EYS: variants seen among roughly 807,000 people sequenced by gnomAD.
EYS encodes protein eyes shut homolog.
EYS carries 250 observed loss-of-function variants against 282.1 expected under a neutral mutation model. The observed-to-expected ratio is 0.89, with a 90% confidence interval of 0.80 to 0.98. EYS has a LOEUF of 0.98. Among genes scored for constraint, EYS ranks in the 50% least tolerant of loss-of-function variants. EYS has a pLI of 0.00. For missense variants in EYS, 4,016 were observed against 3,709.0 expected (o/e 1.08, Z -2.15); for synonymous variants, 1,355 against 1,282.9 (o/e 1.06, Z -1.20).
chr6:64,670,017 C>T, intron 22 of EYS, among the ~76,000 whole-genome samples: 1 of 152,140 alleles, frequency 6.6e-6, no homozygotes, highest in East Asian at 1.9e-4. Context: ...CTCTTATAAG[C>T]TTTACAACCT....
chr6:63,979,087 A>G (rs1766974838), intron 35 of EYS, among the ~76,000 whole-genome samples: 1 of 151,984 alleles, frequency 6.6e-6, no homozygotes, highest in African/African-American at 2.4e-5. Context: ...CAATTAGTTG[A>G]ATAACACTAA....
chr6:63,778,314 A>G, intron 39 of EYS, 134 bp from the exon 40 acceptor site: 1 of 956,630 alleles, frequency 1.0e-6, no homozygotes, highest in Non-Finnish European at 1.6e-6. Flanking sequence ...AAGAAATATA[A>G]GAATACAGAA....
chr6:64,192,440 G>C (rs1212548756), intron 31 of EYS, among the ~76,000 whole-genome samples: 1 of 152,108 alleles, frequency 6.6e-6, no homozygotes, highest in African/African-American at 2.4e-5. Context: ...ATACTACAAG[G>C]CTACAGTAAC....
rs139276115 is a variant in EYS, at chr6:64,894,301, T to C, written c.2847-7459A>G. Among the ~76,000 whole-genome samples the C allele has an allele frequency of 1.2e-4, 19 of 152,196 alleles. No homozygotes were observed. In the East Asian group the frequency reaches 3.7e-3, roughly 29 times the overall value. ...TTCGTGATGTTAATTACAATAGATC[T>C]AAGAATGCATAGACTATTGGATATG... On this transcript the variant is annotated intron_variant, in intron 18 of 42. Transcript: ENST00000503581.
At chr6:65,207,649 A>G (rs1008263758) in intron 12 of EYS, among the ~76,000 whole-genome samples, 6 of 151,860 alleles carry the variant, frequency 4.0e-5, no homozygotes, top group African/African-American at 1.2e-4. Context: ...TATACGAACC[A>G]AAAGATCAAG....
chr6:64,313,403 T>A (rs1769808377), intron 29 of EYS, among the ~76,000 whole-genome samples: 1 of 152,016 alleles, frequency 6.6e-6, no homozygotes, highest in African/African-American at 2.4e-5. Flanking sequence ...AAATCTAGGT[T>A]TGATTGTTGT....
chr6:63,776,797 A>G (rs1424105581), intron 40 of EYS, among the ~76,000 whole-genome samples: 3 of 152,112 alleles, frequency 2.0e-5, no homozygotes, highest in Non-Finnish European at 4.4e-5. Context: ...TCAACTTCAT[A>G]TGCTTTCCTA....
chr6:64,430,248 A>G (rs1361345647), intron 28 of EYS, among the ~76,000 whole-genome samples: 1 of 152,118 alleles, frequency 6.6e-6, no homozygotes, highest in Non-Finnish European at 1.5e-5. Context: ...TGAATGCACA[A>G]TTTGCTGCAT....
intron 12 of EYS, among the ~76,000 whole-genome samples, chr6:65,261,125 G>A (rs1379342297): frequency 6.6e-6 from 1 of 152,000 alleles, no homozygotes; most frequent in Non-Finnish European, 1.5e-5. Flanking sequence ...TTTAAGAGCA[G>A]AGAATGTTAT....
chr6:65,015,099 A>G (rs1443106800), intron 13 of EYS, among the ~76,000 whole-genome samples: 1 of 152,120 alleles, frequency 6.6e-6, no homozygotes, highest in Non-Finnish European at 1.5e-5. Context: ...AAGCAACACA[A>G]CCCTGCAATA....
At chr6:64,721,800 G>C (rs1771590978) in intron 22 of EYS, among the ~76,000 whole-genome samples, 1 of 152,098 alleles carries the variant, frequency 6.6e-6, no homozygotes, top group South Asian at 2.1e-4. Flanking sequence ...TGAAATCTTG[G>C]TTTTAGTTTG....
chr6:64,479,636 A>G (rs1027293777), intron 26 of EYS, among the ~76,000 whole-genome samples: 6 of 151,916 alleles, frequency 3.9e-5, no homozygotes, highest in African/African-American at 1.4e-4. Context: ...AGTCTACAGT[A>G]CTATTCCTAT....
intron 33 of EYS, among the ~76,000 whole-genome samples, chr6:64,039,129 C>T (rs6930818): frequency 0.41 from 62,913 of 151,972 alleles, 14,040 homozygotes; most frequent in African/African-American, 0.59. Context: ...CCTGACTGGC[C>T]TATTCTACCT....
chr6:64,455,871 A>G (rs577047423), intron 26 of EYS, among the ~76,000 whole-genome samples: 2 of 152,306 alleles, frequency 1.3e-5, no homozygotes, highest in African/African-American at 4.8e-5. Context: ...ACAGAATTTA[A>G]CATTAATTAC....
intron 24 of EYS, 112 bp downstream of exon 24, chr6:64,617,306 C>T (rs764492901): frequency 2.8e-4 from 197 of 709,574 alleles, no homozygotes; most frequent in Non-Finnish European, 4.3e-4. Context: ...AGGAGAGATG[C>T]GCTGAAGATT....
At chr6:65,292,527 T>C (rs1768554854) in intron 12 of EYS, among the ~76,000 whole-genome samples, 2 of 151,748 alleles carry the variant, frequency 1.3e-5, no homozygotes, top group South Asian at 2.1e-4. Context: ...GTGAGTGTTC[T>C]AGAAGTACGA....
intron 2 of EYS, among the ~76,000 whole-genome samples, chr6:65,566,780 C>G (rs1253745341): frequency 6.6e-6 from 1 of 152,134 alleles, no homozygotes; most frequent in Non-Finnish European, 1.5e-5. Flanking sequence ...TTCAGAGTTT[C>G]CTTCTTCTCT....
At chr6:64,259,646 A>ATG (rs1562276178) in intron 30 of EYS, among the ~76,000 whole-genome samples, 11 of 146,358 alleles carry the variant, frequency 7.5e-5, no homozygotes, top group Non-Finnish European at 1.2e-4. Context: ...ACTTTTACAC[A>ATG]CGCGCACACA....
At chr6:64,791,399 G>C (rs187284749) in intron 22 of EYS, among the ~76,000 whole-genome samples, 28 of 151,680 alleles carry the variant, frequency 1.8e-4, no homozygotes, top group African/African-American at 5.3e-4. Context: ...CACAGAAAGG[G>C]CATCAAGCAC....
Sources: gnomAD v4.1 joint callset for allele counts (sites outside exome capture counted in the v4.1 genomes callset) on GRCh38, gnomAD v4.1.1 for gene constraint, MANE v1.5 for transcripts, NCBI Gene and HGNC (gene_info 2026-07-23, HGNC 2026-07-21) for gene names.